The following SLC14A2 variants were observed in gnomAD, a reference collection of about 807,000 sequenced individuals.
The protein encoded by SLC14A2 is urea transporter 2.
SLC14A2 carries 91 observed loss-of-function variants against 104.6 expected under a neutral mutation model. The ratio of observed to expected loss-of-function variants is 0.87; its 90% CI spans 0.73 to 1.04. The LOEUF (loss-of-function observed/expected upper bound fraction) is 1.04. Among genes scored for constraint, SLC14A2 ranks in the 50% least tolerant of loss-of-function variants. The pLI is 0.00. For synonymous variants in SLC14A2, 476 were observed against 466.4 expected, an observed-to-expected ratio of 1.02 and a Z score of -0.27; for missense variants, 1,189 against 1,156.0, an observed-to-expected ratio of 1.03 and a Z score of -0.41.
At chr18:45,365,486 C>T (rs2144338415) in intron 1 of SLC14A2, among the ~76,000 whole-genome samples, 1 of 152,346 alleles carries the variant, frequency 6.6e-6, no homozygotes, top group Non-Finnish European at 1.5e-5. Flanking sequence ...GGCATGTGTG[C>T]CTGCTCCTGT....
At chr18:45,459,453 G>C (rs753052408) in intron 1 of SLC14A2, among the ~76,000 whole-genome samples, 3 of 152,186 alleles carry the variant, frequency 2.0e-5, no homozygotes, top group Non-Finnish European at 4.4e-5. Flanking sequence ...ACTGGGGGAG[G>C]TTGCTGTGAT....
At chr18:45,282,554 G>T (rs2084773289) in intron 1 of SLC14A2, among the ~76,000 whole-genome samples, 2 of 152,152 alleles carry the variant, frequency 1.3e-5, no homozygotes, top group African/African-American at 4.8e-5. Flanking sequence ...GGAGGACACA[G>T]GACTGTCAAA....
intron 1 of SLC14A2, among the ~76,000 whole-genome samples, chr18:45,482,289 A>G (rs1020493679): frequency 1.3e-5 from 2 of 152,232 alleles, no homozygotes; most frequent in African/African-American, 4.8e-5. Flanking sequence ...TGGTACAGAC[A>G]TATTAACATA....
intron 1 of SLC14A2, among the ~76,000 whole-genome samples, chr18:45,299,347 A>G (rs2084945732): frequency 6.6e-6 from 1 of 152,258 alleles, no homozygotes; most frequent in Admixed American, 6.5e-5. Flanking sequence ...TCTTCTTGCC[A>G]TCTTTTTGGT....
chr18:45,394,990 A>T (rs796177136), intron 1 of SLC14A2, among the ~76,000 whole-genome samples: 8 of 152,286 alleles, frequency 5.3e-5, no homozygotes, highest in African/African-American at 1.7e-4. Context: ...AAAGAATTGA[A>T]ATCAGGTGGG....
intron 2 of SLC14A2, among the ~76,000 whole-genome samples, chr18:45,538,053 A>T (rs2043822524): frequency 6.6e-6 from 1 of 152,212 alleles, no homozygotes; most frequent in Admixed American, 6.5e-5. Context: ...GTCAGGAATG[A>T]GGGAGAAGCC....
At chr18:45,583,439 AT>A (rs1234579268) in intron 2 of SLC14A2, among the ~76,000 whole-genome samples, 2 of 152,212 alleles carry the variant, frequency 1.3e-5, no homozygotes, top group African/African-American at 4.8e-5. Flanking sequence ...CCTAATTTCT[AT>A]CCTGTTCTGG....
At chr18:45,172,260 A>G in the SLC14A2 span, among the ~76,000 whole-genome samples, 1 of 152,182 alleles carries the variant, frequency 6.6e-6, no homozygotes, top group South Asian at 2.1e-4. Context: ...ATTTCTTGAA[A>G]GGAACCCAGT....
At chr18:45,522,253 A>C (rs2043527695) in intron 2 of SLC14A2, among the ~76,000 whole-genome samples, 1 of 152,240 alleles carries the variant, frequency 6.6e-6, no homozygotes, top group South Asian at 2.1e-4. Context: ...TGTTGTGAAA[A>C]GGAGGCATTT....
At chr18:45,580,280 TAA>T (rs1377715207) in intron 2 of SLC14A2, among the ~76,000 whole-genome samples, 2 of 152,148 alleles carry the variant, frequency 1.3e-5, no homozygotes, top group African/African-American at 4.8e-5. Context: ...GCATGTACAA[TAA>T]AAGTGTCAGA....
chr18:45,323,818 C>A lies in SLC14A2; in HGVS notation c.-125+110627C>A, dbSNP rs555609698. 2.0e-5 allele frequency among the ~76,000 whole-genome samples: 3 copies of A among 152,266 alleles called. 1 individual carries two copies. The South Asian group carries it at 6.2e-4, about 32-fold the overall frequency. On this transcript the variant is annotated intron_variant, in intron 1 of 20. Coordinates refer to the SLC14A2 transcript ENST00000586448. ...TAGTCTCAGCCCTGCCTTCCACCTC[C>A]CAAGACCAAAAATGCATCCTGTTTT...
chr18:45,276,670 C>A, intron 1 of SLC14A2, among the ~76,000 whole-genome samples: 1 of 152,142 alleles, frequency 6.6e-6, no homozygotes, highest in East Asian at 1.9e-4. Context: ...TTGGAACAAG[C>A]TTAAAGTAAA....
intron 1 of SLC14A2, among the ~76,000 whole-genome samples, chr18:45,396,819 C>T (rs1327225490): frequency 2.6e-5 from 4 of 151,974 alleles, no homozygotes; most frequent in Non-Finnish European, 1.5e-5. Context: ...TCCCCTTCCT[C>T]CCACCCTCCA....
intron 1 of SLC14A2, among the ~76,000 whole-genome samples, chr18:45,365,258 G>A (rs1390568705): frequency 1.3e-5 from 2 of 152,200 alleles, no homozygotes; most frequent in African/African-American, 4.8e-5. Context: ...CTAGCTCTGT[G>A]ACCTTGTGAG....
At chr18:45,330,578 G>A (rs972028482) in intron 1 of SLC14A2, among the ~76,000 whole-genome samples, 3 of 152,188 alleles carry the variant, frequency 2.0e-5, no homozygotes, top group African/African-American at 7.2e-5. Context: ...ATCCCAAATA[G>A]CCCACAGGAA....
At chr18:45,682,280 C>T (rs941771929) in intron 19 of SLC14A2, 39 bp from the exon 20 acceptor site, 1 of 1,590,516 alleles carries the variant, frequency 6.3e-7, no homozygotes, top group Non-Finnish European at 8.6e-7. Flanking sequence ...GCACAGGCAC[C>T]TGATGTGACC....
chr18:45,479,651 C>G (rs1287701219), intron 1 of SLC14A2, among the ~76,000 whole-genome samples: 1 of 152,164 alleles, frequency 6.6e-6, no homozygotes, highest in Admixed American at 6.5e-5. Context: ...AGTCTGGTGT[C>G]TAGCCTCAGT....
the SLC14A2 span, among the ~76,000 whole-genome samples, chr18:45,183,643 CCT>C: frequency 1.0e-5 from 1 of 96,952 alleles, no homozygotes; most frequent in Non-Finnish European, 2.6e-5. Context: ...CCTTTCTTTT[CCT>C]TTTCTTTCTT....
intron 16 of SLC14A2, 124 bp from the exon 17 acceptor site, chr18:45,672,776 C>G (rs1025487110): frequency 1.2e-6 from 1 of 810,484 alleles, no homozygotes; most frequent in Non-Finnish European, 2.0e-6. Flanking sequence ...TGAATAGAAA[C>G]AAAAATCCTG....
Sources: allele counts gnomAD v4.1 joint callset (sites outside exome capture counted in the v4.1 genomes callset), GRCh38; gene constraint gnomAD v4.1.1; transcripts MANE v1.5; gene names NCBI Gene and HGNC (gene_info 2026-07-23, HGNC 2026-07-21).